Variants in XKR4 observed in about 807,000 individuals in gnomAD.
XKR4 encodes the protein XK-related protein 4.
XKR4 carries 12 observed loss-of-function variants against 53.9 expected under a neutral mutation model. The observed-to-expected ratio is 0.22, with a 90% CI of 0.14 to 0.36. The LOEUF (loss-of-function observed/expected upper bound fraction) is 0.36, where lower values mean the gene tolerates loss of function less well. Among genes scored for constraint, XKR4 ranks in the 10% least tolerant of loss-of-function variants. The pLI, the probability that XKR4 is intolerant of heterozygous loss-of-function variation, is 1.00. For missense variants in XKR4, 799 were observed against 859.5 expected, an observed-to-expected ratio of 0.93 and a Z score of 0.88; for synonymous variants, 354 against 362.4, an observed-to-expected ratio of 0.98 and a Z score of 0.26.
intron 2 of XKR4, chr8:55,454,640 C>T (rs1563355066): frequency 8.3e-6 from 9 of 1,084,622 alleles, no homozygotes; most frequent in African/African-American, 1.5e-5. Context: ...GCCAGGGGCA[C>T]GGTGCACGTC....
rs1806994373 is a variant in XKR4, at chr8:55,534,226, T to C, written c.*9999T>C. On this transcript the variant is annotated 3_prime_UTR_variant, in exon 3 of 3. Transcript: ENST00000327381. ...CTGCATGGGTGCAGCTACTGAATAA[T>C]TTGATTCCTGCCTTCTTAGGTGGTG... The C allele has an allele frequency of 1.3e-5, 2 of 152,096 alleles. No individual in the cohort carries two copies. The highest frequency in any genetic ancestry group is 4.8e-5 in the African/African-American group (2 of 41,406). 9.4% of individuals were successfully genotyped at this position (152,096 alleles called of 1,614,324 possible).
chr8:55,385,903 T>A (rs1804302110), intron 2 of XKR4, among the ~76,000 whole-genome samples: 1 of 152,238 alleles, frequency 6.6e-6, no homozygotes, highest in South Asian at 2.1e-4. Context: ...AAAATGTGTT[T>A]TATGGCTCCT....
chr8:55,396,321 G>A (rs1804516674), intron 2 of XKR4, among the ~76,000 whole-genome samples: 1 of 151,654 alleles, frequency 6.6e-6, no homozygotes, highest in South Asian at 2.1e-4. Flanking sequence ...TTATCACCTG[G>A]ACTGGGTAGA....
chr8:55,208,795 A>G (rs933540399), intron 1 of XKR4, among the ~76,000 whole-genome samples: 1 of 152,088 alleles, frequency 6.6e-6, no homozygotes, highest in Admixed American at 6.6e-5. Context: ...GAGAAACCTT[A>G]AAACCCTACC....
chr8:55,534,419 G>A lies in XKR4; in HGVS notation c.*10192G>A. ...GACAGAGTCTCGCTCTGTCGCAGGG[G>A]CTGGAGTGCAGTGGCACAATCTCGG... is the stretch of plus-strand genomic sequence containing the variant. On this transcript the variant is annotated 3_prime_UTR_variant, in exon 3 of 3. Transcript: ENST00000327381. The A allele has an allele frequency of 7.9e-6, 1 of 126,764 alleles. No individual in the cohort carries two copies. Among genetic ancestry groups the A allele is most frequent in the Middle Eastern group, 5.6e-3 (1 of 178 alleles). The allele number at this position is 126,764 out of a possible 1,614,324, so 7.9% of individuals were successfully genotyped here.
chr8:55,438,764 A>T (rs1340876624), intron 2 of XKR4, among the ~76,000 whole-genome samples: 1 of 152,194 alleles, frequency 6.6e-6, no homozygotes, highest in Non-Finnish European at 1.5e-5. Context: ...TATAAAATAT[A>T]TCTTAAAATA....
At chr8:55,146,359 A>G (rs1816773281) in intron 1 of XKR4, among the ~76,000 whole-genome samples, 2 of 152,224 alleles carry the variant, frequency 1.3e-5, no homozygotes, top group Non-Finnish European at 2.9e-5. Flanking sequence ...TTCTAAAAGA[A>G]TGTTCTTACA....
chr8:55,336,041 CAAAAAAAAA>C (rs34885296), intron 1 of XKR4, among the ~76,000 whole-genome samples: 59 of 113,698 alleles, frequency 5.2e-4, no homozygotes, highest in Middle Eastern at 4.5e-3. Flanking sequence ...AACTCTATAC[CAAAAAAAAA>C]AAAAAAAAAG....
At chr8:55,220,943 C>T (rs1817873076) in intron 1 of XKR4, among the ~76,000 whole-genome samples, 1 of 152,216 alleles carries the variant, frequency 6.6e-6, no homozygotes, top group African/African-American at 2.4e-5. Flanking sequence ...GTGGTAGATA[C>T]TATGCTAATG....
chr8:55,186,872 T>C (rs1323334042), intron 1 of XKR4, among the ~76,000 whole-genome samples: 2 of 152,160 alleles, frequency 1.3e-5, no homozygotes, highest in African/African-American at 4.8e-5. Flanking sequence ...AATCAGTAAT[T>C]ATGCAATCAC....
At chr8:55,198,613 CAGTT>C (rs1342942817) in intron 1 of XKR4, among the ~76,000 whole-genome samples, 1 of 151,940 alleles carries the variant, frequency 6.6e-6, no homozygotes, top group Non-Finnish European at 1.5e-5. Flanking sequence ...CACTTGTCAT[CAGTT>C]AGAAAATTAT....
intron 2 of XKR4, among the ~76,000 whole-genome samples, chr8:55,396,398 G>GTTTT (rs1478254228): frequency 2.7e-5 from 1 of 36,476 alleles, no homozygotes; most frequent in East Asian, 6.2e-4. Flanking sequence ...TTTTTTGTTT[G>GTTTT]GTTTTTTTTT....
At chr8:55,217,241 CAAAA>C (rs35294638) in intron 1 of XKR4, among the ~76,000 whole-genome samples, 2 of 106,044 alleles carry the variant, frequency 1.9e-5, no homozygotes, top group African/African-American at 3.8e-5. Context: ...GACTCTGTCT[CAAAA>C]AAAAAAAAAA....
chr8:55,196,905 C>T (rs1362961516), intron 1 of XKR4, among the ~76,000 whole-genome samples: 1 of 152,050 alleles, frequency 6.6e-6, no homozygotes, highest in Non-Finnish European at 1.5e-5. Context: ...ATTGGACGGA[C>T]GCTAGAAGAA....
At chr8:55,478,177 GC>G (rs1463425788) in intron 2 of XKR4, among the ~76,000 whole-genome samples, 1 of 152,124 alleles carries the variant, frequency 6.6e-6, no homozygotes, top group Non-Finnish European at 1.5e-5. Flanking sequence ...AAAAAGGGAA[GC>G]CCATCAGACT....
At chr8:55,399,021 T>C (rs867893706) in intron 2 of XKR4, among the ~76,000 whole-genome samples, 1 of 152,230 alleles carries the variant, frequency 6.6e-6, no homozygotes, top group African/African-American at 2.4e-5. Flanking sequence ...AATATTTTAG[T>C]ACACCACAGC....
intron 1 of XKR4, among the ~76,000 whole-genome samples, chr8:55,247,694 G>T (rs142317953): frequency 1.3e-5 from 2 of 152,150 alleles, no homozygotes; most frequent in African/African-American, 4.8e-5. Context: ...TTTTCTGCCA[G>T]ACTTAAGATC....
At chr8:55,183,854 G>A (rs1451344695) in intron 1 of XKR4, among the ~76,000 whole-genome samples, 1 of 152,124 alleles carries the variant, frequency 6.6e-6, no homozygotes, top group Non-Finnish European at 1.5e-5. Context: ...AAGTACAGCT[G>A]GGATTTGCCT....
At chr8:55,461,224 C>T (rs1222542631) in intron 2 of XKR4, among the ~76,000 whole-genome samples, 1 of 152,238 alleles carries the variant, frequency 6.6e-6, no homozygotes, top group African/African-American at 2.4e-5. Context: ...AGGCACCCCC[C>T]AGTAGGGGCG....
Sources: gnomAD v4.1 joint callset for allele counts (sites outside exome capture counted in the v4.1 genomes callset) on GRCh38, gnomAD v4.1.1 for gene constraint, MANE v1.5 for transcripts, NCBI Gene and HGNC (gene_info 2026-07-23, HGNC 2026-07-21) for gene names.